FBXW8: variants seen among roughly 807,000 people sequenced by gnomAD.
The protein encoded by FBXW8 is F-box and WD repeat domain containing 8.
In FBXW8, 57 loss-of-function variants were observed where a neutral mutation model predicts 65.3. The observed-to-expected ratio is 0.87, with a 90% CI of 0.71 to 1.09. The LOEUF (loss-of-function observed/expected upper bound fraction) is 1.09. FBXW8 is among the 50% of genes least tolerant of loss of function. FBXW8 has a pLI of 0.00. For missense variants in FBXW8, 777 were observed against 814.8 expected (o/e 0.95, Z 0.57); for synonymous variants, 308 against 330.2 (o/e 0.93, Z 0.73).
At chr12:116,912,364 T>A (rs12580400) in intron 1 of FBXW8, among the ~76,000 whole-genome samples, 1 of 151,738 alleles carries the variant, frequency 6.6e-6, no homozygotes, top group South Asian at 2.1e-4. Flanking sequence ...ATTTTTTAAA[T>A]TTTTTGGTAG....
At chr12:116,915,582 C>T (rs1308819407) in intron 1 of FBXW8, among the ~76,000 whole-genome samples, 1 of 151,116 alleles carries the variant, frequency 6.6e-6, no homozygotes, top group Non-Finnish European at 1.5e-5. Context: ...CTCTTCCACC[C>T]AGGGGTAACC....
rs59119067 is a variant in FBXW8 at position 116,992,761 on chromosome 12, GGTGTGTGTGTGTGTGT to G, written c.1239+3913_1239+3928del. On this transcript the variant is annotated intron_variant, in intron 7 of 10. Coordinates refer to ENST00000652555, the MANE Select transcript of FBXW8 (RefSeq NM_153348.3). ...TTTTTATGGTTGAGTATTATTCCAT[GGTGTGTGTGTGTGTGT>G]GTGTGTGTGTGTGTGTGTGTATCAC... Among the ~76,000 whole-genome samples the G allele has an allele frequency of 7.4e-3, 1,061 of 143,644 alleles. 13 individuals carry two copies. Among genetic ancestry groups the G allele is most frequent in the African/African-American group, 0.026 (1,007 of 38,930 alleles). 94.2% of individuals were successfully genotyped at this position (143,644 alleles called of 152,430 possible). A position where few individuals can be genotyped will look rare whatever the true frequency, so the allele number is the denominator to read the frequency against.
At chr12:116,951,630 A>G (rs754759978) in intron 4 of FBXW8, among the ~76,000 whole-genome samples, 5 of 152,132 alleles carry the variant, frequency 3.3e-5, no homozygotes, top group African/African-American at 9.7e-5. Flanking sequence ...ATTTACACCT[A>G]TTAAGTACAT....
chr12:116,985,478 G>A (rs1317863029), intron 6 of FBXW8, 76 bp downstream of exon 6: 6 of 1,418,984 alleles, frequency 4.2e-6, no homozygotes, highest in African/African-American at 2.8e-5. Context: ...TACTAATGGT[G>A]TTGGTAACTC....
chr12:116,920,958 C>T (rs909498457), intron 1 of FBXW8, among the ~76,000 whole-genome samples: 1 of 152,144 alleles, frequency 6.6e-6, no homozygotes, highest in Admixed American at 6.5e-5. Context: ...CTCGCCATGT[C>T]CTAAAGCTCA....
intron 7 of FBXW8, among the ~76,000 whole-genome samples, chr12:117,008,173 C>T (rs570818701): frequency 6.6e-6 from 1 of 152,290 alleles, no homozygotes; most frequent in Admixed American, 6.5e-5. Flanking sequence ...GATTTCAGTT[C>T]TTAGATTTAC....
intron 5 of FBXW8, among the ~76,000 whole-genome samples, chr12:116,980,600 C>G (rs1228833519): frequency 1.3e-5 from 2 of 152,086 alleles, no homozygotes; most frequent in East Asian, 3.8e-4. Context: ...AACACTTGAC[C>G]TTTCAAATGA....
Position 116,968,845 on chromosome 12 carries a change from G to A in FBXW8, c.835+3991G>A, listed in dbSNP as rs1884482134. Among the ~76,000 whole-genome samples, 5 of 152,152 alleles carry A rather than the reference G, an allele frequency of 3.3e-5. No individual in the cohort carries two copies. The East Asian group carries it at 5.8e-4, about 18-fold the overall frequency. Reference sequence around the variant, plus strand: ...AAAAAAAAATGTGTACCTGCTACTTGTAGTTCTTTCTTTTTCTTCTGTTAC... The same window carrying A: ...AAAAAAAAATGTGTACCTGCTACTTATAGTTCTTTCTTTTTCTTCTGTTAC... On this transcript the variant is annotated intron_variant, in intron 5 of 10. Transcript: ENST00000652555.
chr12:117,024,263 G>C lies in FBXW8; in HGVS notation c.1484G>C (p.Gly495Ala). ...AAGATCGTCAGTGGAGGCGAGGAAG[G>C]CCTGGTGTCCGTGTGGGATTATCGG... ...DWKIVSGGEE[G>A]LVSVWDYRMN... Residue 495 changes from glycine (G) to alanine (A), a missense_variant, in exon 9 of 11, where the codon GGC (glycine) becomes GCC (alanine). Coordinates refer to ENST00000652555, the MANE Select transcript of FBXW8 (RefSeq NM_153348.3). The C allele has an allele frequency of 6.2e-7, 1 of 1,614,202 alleles. No homozygotes were observed. Among genetic ancestry groups the C allele is most frequent in the Non-Finnish European group, 8.5e-7 (1 of 1,180,034 alleles).
chr12:116,913,581 A>G (rs1035310558), intron 1 of FBXW8, among the ~76,000 whole-genome samples: 1 of 152,214 alleles, frequency 6.6e-6, no homozygotes, highest in African/African-American at 2.4e-5. Context: ...GTGGCTCATC[A>G]CAAAGGCCAT....
At chr12:116,966,859 T>C (rs1884357003) in intron 5 of FBXW8, among the ~76,000 whole-genome samples, 1 of 152,114 alleles carries the variant, frequency 6.6e-6, no homozygotes, top group Non-Finnish European at 1.5e-5. Context: ...GCTGGGATTA[T>C]GAGTGCCCAC....
At chr12:116,964,600 TCTTA>T in intron 4 of FBXW8, 93 bp from the exon 5 acceptor site, 1 of 1,455,018 alleles carries the variant, frequency 6.9e-7, no homozygotes, top group Non-Finnish European at 9.6e-7. Flanking sequence ...ACCACCCGAT[TCTTA>T]CTTGTCTGTT....
At chr12:116,959,631 T>C (rs1883861294) in intron 4 of FBXW8, among the ~76,000 whole-genome samples, 1 of 152,262 alleles carries the variant, frequency 6.6e-6, no homozygotes, top group Non-Finnish European at 1.5e-5. Flanking sequence ...GTACAGTATT[T>C]ATTCCTTCTT....
intron 9 of FBXW8, among the ~76,000 whole-genome samples, chr12:117,026,897 T>C (rs1414988284): frequency 6.6e-6 from 1 of 152,138 alleles, no homozygotes; most frequent in Non-Finnish European, 1.5e-5. Flanking sequence ...TGTTCCAAGA[T>C]TTTCCGAACG....
At chr12:116,957,921 G>A (rs1883750239) in intron 4 of FBXW8, among the ~76,000 whole-genome samples, 1 of 152,176 alleles carries the variant, frequency 6.6e-6, no homozygotes, top group African/African-American at 2.4e-5. Flanking sequence ...CTTTAATGAA[G>A]GAGCTCCAGA....
intron 8 of FBXW8, among the ~76,000 whole-genome samples, chr12:117,020,595 A>G (rs923017325): frequency 2.6e-5 from 4 of 152,164 alleles, no homozygotes; most frequent in African/African-American, 9.7e-5. Context: ...GCATTCTCTG[A>G]TCTGCTTCCA....
Position 117,010,371 on chromosome 12 carries a change from A to T in FBXW8, c.1288A>T (p.Asn430Tyr). 6.2e-7 allele frequency: 1 copy of T among 1,614,176 alleles called. No homozygotes were observed. Among genetic ancestry groups the T allele is most frequent in the Non-Finnish European group, 8.5e-7 (1 of 1,180,038 alleles). Reference protein sequence around the residue: ...EAGRRLLKLGNVLRDFTCVNL... With the variant: ...EAGRRLLKLGYVLRDFTCVNL... ...AGGACGCCGCCTCTTGAAGCTGGGT[A>T]ACGTTCTCCGTGACTTCACGTGTGT... is the stretch of plus-strand genomic sequence containing the variant. The change falls in exon 8 of 11, where the codon AAC becomes TAC. Residue 430 changes from asparagine to tyrosine, a missense_variant. Asn to Tyr is a moderately radical substitution (Grantham distance 143). Transcript: ENST00000652555.
chr12:116,911,073 C>T lies in FBXW8; in HGVS notation c.36C>T (p.Arg12=), dbSNP rs1277027771. The change falls in exon 1 of 11, where the codon CGC becomes CGT. Residue 12 remains arginine, a synonymous_variant. Coordinates refer to ENST00000652555, the MANE Select transcript of FBXW8 (RefSeq NM_153348.3). Reference sequence around the variant, plus strand: ...ACAGCCTGGATGAGTTCCGTCGGCGCTGGCAGGAGGAGCTGGCGCAGGCCC... The same window carrying T: ...ACAGCCTGGATGAGTTCCGTCGGCGTTGGCAGGAGGAGCTGGCGCAGGCCC... The part of the protein sequence containing the change: ...DDYSLDEFRR[R]WQEELAQAQA... 3 of 1,452,452 alleles carry T rather than the reference C, an allele frequency of 2.1e-6. No individual in the cohort carries two copies. Among genetic ancestry groups the T allele is most frequent in the Non-Finnish European group, 1.8e-6 (2 of 1,111,036 alleles). 90.0% of individuals were successfully genotyped at this position (1,452,452 alleles called of 1,614,324 possible).
intron 7 of FBXW8, among the ~76,000 whole-genome samples, chr12:116,997,960 C>G (rs879753717): frequency 1.3e-5 from 2 of 152,178 alleles, no homozygotes; most frequent in Non-Finnish European, 2.9e-5. Flanking sequence ...GGACTACAGG[C>G]GTGTGCCACC....
Sources: allele counts gnomAD v4.1 joint callset (sites outside exome capture counted in the v4.1 genomes callset), GRCh38; gene constraint gnomAD v4.1.1; transcripts MANE v1.5; gene names NCBI Gene and HGNC (gene_info 2026-07-23, HGNC 2026-07-21).